Variants in FLRT2 observed in about 807,000 individuals in gnomAD.
The protein encoded by FLRT2 is leucine-rich repeat transmembrane protein FLRT2.
FLRT2 carries 15 observed loss-of-function variants against 40.0 expected under a neutral mutation model. That is an observed-to-expected ratio of 0.38 (90% CI 0.25 to 0.58). The LOEUF is 0.58. FLRT2 is among the 20% of genes least tolerant of loss of function. FLRT2 has a pLI of 0.71. For missense variants in FLRT2, 726 were observed against 840.0 expected, an observed-to-expected ratio of 0.86 and a Z score of 1.68; for synonymous variants, 380 against 336.8, an observed-to-expected ratio of 1.13 and a Z score of -1.41.
chr14:85,611,917 CGTGTGTGTGT>C lies in FLRT2; in HGVS notation c.-376-9185_-376-9176del, dbSNP rs71120529. Among the ~76,000 whole-genome samples the C allele has an allele frequency of 1.6e-3, 210 of 130,950 alleles. 1 individual carries two copies. The highest frequency in any genetic ancestry group is 4.4e-3 in the African/African-American group (154 of 35,228). 85.9% of individuals were successfully genotyped at this position (130,950 alleles called of 152,430 possible). A position where few individuals can be genotyped will look rare whatever the true frequency, so the allele number is the denominator to read the frequency against. On this transcript the variant is annotated intron_variant, in intron 1 of 1. Transcript: ENST00000330753. Reference sequence around the variant, plus strand: ...GAGAGAGAGCGCGCGTGCGCGAAAGCGTGTGTGTGTGTGTGTGTGTGTGTGTGTGTGTGTG... The same window carrying C: ...GAGAGAGAGCGCGCGTGCGCGAAAGCGTGTGTGTGTGTGTGTGTGTGTGTG...
rs1893889109 is a variant in FLRT2, at chr14:85,632,065, A to AT, written c.*8569dup. The AT allele has an allele frequency of 6.6e-6, 1 of 152,028 alleles. No homozygotes were observed. The allele number at this position is 152,028 out of a possible 1,614,324, so 9.4% of individuals were successfully genotyped here. A position where few individuals can be genotyped will look rare whatever the true frequency, so the allele number is the denominator to read the frequency against. ...AGTCTCGAACTCCTGACCTCAGGTG[A>AT]TCCCCCCACCTAGGCCTCCCAAAGT... On this transcript the variant is annotated 3_prime_UTR_variant, in exon 2 of 2. Coordinates refer to ENST00000330753, the MANE Select transcript of FLRT2 (RefSeq NM_013231.6).
intron 1 of FLRT2, among the ~76,000 whole-genome samples, chr14:85,543,407 G>A (rs2139813022): frequency 6.6e-6 from 1 of 152,092 alleles, no homozygotes; most frequent in African/African-American, 2.4e-5. Context: ...AGTACCTTCA[G>A]AGAGGCTAGA....
At chr14:85,538,673 G>A (rs1262271142) in intron 1 of FLRT2, among the ~76,000 whole-genome samples, 2 of 152,114 alleles carry the variant, frequency 1.3e-5, no homozygotes, top group African/African-American at 4.8e-5. Context: ...AGGTCCCAAA[G>A]TTTATAGATG....
At chr14:85,543,540 TAAAG>T (rs1566718481) in intron 1 of FLRT2, among the ~76,000 whole-genome samples, 2 of 147,196 alleles carry the variant, frequency 1.4e-5, no homozygotes, top group African/African-American at 5.0e-5. Flanking sequence ...AAAAAAAAAA[TAAAG>T]AAATCACATC....
In FLRT2 at chr14:85,640,900, C is replaced by T. The variant is rs1248194695; in HGVS notation, c.*17403C>T. The stretch of plus-strand genomic sequence containing the variant: ...CAGCTGAATCGCCTCTGTGAAAATC[C>T]TGACCTCGCTTTCTTCTGGCCTTTC... On this transcript the variant is annotated 3_prime_UTR_variant, in exon 2 of 2. Coordinates refer to ENST00000330753, the MANE Select transcript of FLRT2 (RefSeq NM_013231.6). 6.6e-6 allele frequency: 1 copy of T among 152,212 alleles called. No homozygotes were observed. The highest frequency in any genetic ancestry group is 6.5e-5 in the Admixed American group (1 of 15,282). 9.4% of individuals were successfully genotyped at this position (152,212 alleles called of 1,614,324 possible).
intron 1 of FLRT2, among the ~76,000 whole-genome samples, chr14:85,579,714 T>A (rs1415293722): frequency 6.6e-6 from 1 of 152,174 alleles, no homozygotes; most frequent in Non-Finnish European, 1.5e-5. Flanking sequence ...TTTTAACTGA[T>A]TAATAATTTG....
chr14:85,622,693 A>G lies in FLRT2; in HGVS notation c.1179A>G (p.Arg393=), dbSNP rs941451154. Residue 393 remains arginine (R), a synonymous_variant, in exon 2 of 2, where the codon AGA becomes AGG. Transcript: ENST00000330753. ...PPTLSIPNPS[R]SYTPPTPTTS... ...CCCTCTCTATTCCAAACCCTAGCAG[A>G]AGCTACACGCCTCCAACTCCTACCA... 1 of 1,614,028 alleles carries G rather than the reference A, an allele frequency of 6.2e-7. No homozygotes were observed.
At chr14:85,575,286 C>G (rs1419920393) in intron 1 of FLRT2, among the ~76,000 whole-genome samples, 1 of 151,998 alleles carries the variant, frequency 6.6e-6, no homozygotes, top group Non-Finnish European at 1.5e-5. Context: ...GACTGAGAAC[C>G]ACATTCCTCT....
At chr14:85,558,001 T>C (rs547703106) in intron 1 of FLRT2, among the ~76,000 whole-genome samples, 6 of 152,200 alleles carry the variant, frequency 3.9e-5, no homozygotes, top group Admixed American at 6.5e-5. Context: ...AAAGCATCCA[T>C]AGACTTATGT....
At chr14:85,587,206 T>G (rs1206164419) in intron 1 of FLRT2, among the ~76,000 whole-genome samples, 2 of 151,800 alleles carry the variant, frequency 1.3e-5, no homozygotes, top group Admixed American at 6.6e-5. Flanking sequence ...TTACATTCTT[T>G]TAGTATTTCA....
intron 1 of FLRT2, among the ~76,000 whole-genome samples, chr14:85,537,788 A>C (rs1888751874): frequency 6.6e-6 from 1 of 152,102 alleles, no homozygotes; most frequent in Admixed American, 6.5e-5. Flanking sequence ...TGTACTAGTA[A>C]AATAATCAGT....
At chr14:85,582,224 A>G (rs2372976) in intron 1 of FLRT2, among the ~76,000 whole-genome samples, 46,601 of 152,046 alleles carry the variant, frequency 0.31, 7,915 homozygotes, top group Middle Eastern at 0.39. Flanking sequence ...ATTCTGATAC[A>G]TATGAAATAC....
At chr14:85,532,737 T>C (rs1478344579) in intron 1 of FLRT2, among the ~76,000 whole-genome samples, 1 of 152,004 alleles carries the variant, frequency 6.6e-6, no homozygotes, top group Non-Finnish European at 1.5e-5. Context: ...AGTGATGGGG[T>C]GAGGAGTGGG....
In FLRT2 at chr14:85,536,210, G is replaced by A. The variant is rs181154522; in HGVS notation, c.-377+5676G>A. 3.5e-3 allele frequency among the ~76,000 whole-genome samples: 525 copies of A among 152,078 alleles called. 1 individual carries two copies. Among genetic ancestry groups the A allele is most frequent in the Non-Finnish European group, 5.3e-3 (363 of 68,008 alleles). ...TGGCCTGCTGGAGAGTTTGATTTAG[G>A]ATTTAGACAACTTTATATTTTCCCA... On this transcript the variant is annotated intron_variant, in intron 1 of 1. Coordinates refer to ENST00000330753, the MANE Select transcript of FLRT2 (RefSeq NM_013231.6).
At chr14:85,556,772 A>C (rs1453572990) in intron 1 of FLRT2, among the ~76,000 whole-genome samples, 1 of 152,210 alleles carries the variant, frequency 6.6e-6, no homozygotes, top group East Asian at 1.9e-4. Context: ...AACTGTTGCT[A>C]TTAGTTGTCA....
chr14:85,547,868 G>A (rs1189258888), intron 1 of FLRT2, among the ~76,000 whole-genome samples: 1 of 152,202 alleles, frequency 6.6e-6, no homozygotes, highest in East Asian at 1.9e-4. Context: ...GTCCAGAAAG[G>A]TGGGACAACT....
intron 1 of FLRT2, among the ~76,000 whole-genome samples, chr14:85,598,114 G>A (rs1408229166): frequency 6.6e-6 from 1 of 152,174 alleles, no homozygotes; most frequent in African/African-American, 2.4e-5. Flanking sequence ...CACATCTAAT[G>A]ATGAAAATAA....
chr14:85,652,485 T>C lies in FLRT2; in HGVS notation c.*28988T>C, dbSNP rs1167699671. ...CCATAGGAAAATTCTTTTTTGAGAATTTTTTTCTTATAACGTTCTTCATCT... is the reference window on the plus strand; with the variant it reads ...CCATAGGAAAATTCTTTTTTGAGAACTTTTTTCTTATAACGTTCTTCATCT... On this transcript the variant is annotated 3_prime_UTR_variant, in exon 2 of 2. Transcript: ENST00000330753. 1 of 151,970 alleles carries C rather than the reference T, an allele frequency of 6.6e-6. No individual in the cohort carries two copies. Among genetic ancestry groups the C allele is most frequent in the Non-Finnish European group, 1.5e-5 (1 of 67,960 alleles). 9.4% of individuals were successfully genotyped at this position (151,970 alleles called of 1,614,324 possible). A position where few individuals can be genotyped will look rare whatever the true frequency, so the allele number is the denominator to read the frequency against.
intron 1 of FLRT2, among the ~76,000 whole-genome samples, chr14:85,602,248 T>C (rs1892408606): frequency 6.6e-6 from 1 of 152,208 alleles, no homozygotes; most frequent in African/African-American, 2.4e-5. Flanking sequence ...TTGATTTTCT[T>C]TACTGTCTCC....
Sources: allele counts gnomAD v4.1 joint callset (sites outside exome capture counted in the v4.1 genomes callset), GRCh38; gene constraint gnomAD v4.1.1; transcripts MANE v1.5; gene names NCBI Gene and HGNC (gene_info 2026-07-23, HGNC 2026-07-21).